The following PTTG1IP variants were observed in gnomAD, a reference collection of about 807,000 sequenced individuals.
PTTG1IP encodes PTTG1 interacting protein, also known as pituitary tumor-transforming gene 1 protein-interacting protein.
Under a neutral mutation model 24.4 loss-of-function variants are expected in PTTG1IP, and 16 were observed. The observed-to-expected ratio is 0.66, with a 90% confidence interval of 0.44 to 1.00. The LOEUF (loss-of-function observed/expected upper bound fraction) is 1.00. Ranked by LOEUF, PTTG1IP falls within the 50% of genes least tolerant of loss-of-function variation. The pLI is 0.00. For missense variants in PTTG1IP, 241 were observed against 245.8 expected, an observed-to-expected ratio of 0.98 and a Z score of 0.13; for synonymous variants, 89 against 96.8, an observed-to-expected ratio of 0.92 and a Z score of 0.47.
intron 5 of PTTG1IP, 102 bp from the exon 6 acceptor site, chr21:44,851,729 T>C (rs1471678771): frequency 7.1e-7 from 1 of 1,408,512 alleles, no homozygotes; most frequent in African/African-American, 1.4e-5. Flanking sequence ...TTACTGAGGC[T>C]ATAGCAACAA....
Position 44,851,572 on chromosome 21 carries a change from T to A in PTTG1IP, c.*9A>T. The A allele has an allele frequency of 6.2e-7, 1 of 1,608,922 alleles. No homozygotes were observed. The highest frequency in any genetic ancestry group is 8.5e-7 in the Non-Finnish European group (1 of 1,175,472). ...ACAGGAAGCGTCGGGACTGATGTGC[T>A]GGAGCGCTTTAGTTGTTTTCAAATC... On this transcript the variant is annotated 3_prime_UTR_variant, in exon 6 of 6. Coordinates refer to ENST00000330938, the MANE Select transcript of PTTG1IP (RefSeq NM_004339.4).
chr21:44,856,212 G>A lies in PTTG1IP; in HGVS notation c.430C>T (p.Arg144Trp), dbSNP rs2083448369. The change falls in exon 4 of 6, where the codon CGG becomes TGG. Residue 144 changes from arginine (R) to tryptophan (W), a missense_variant. Transcript: ENST00000330938. ...EKAMREREER[R>W]IRQEERRAEM... is the part of the protein sequence containing the mutation. ...CCTCACCGTTCCTCCTGCCGTATCC[G>A]CCTCTCCTCCCGCTCACGCATGGCC... 6.2e-7 allele frequency: 1 copy of A among 1,613,918 alleles called. No homozygotes were observed. Among genetic ancestry groups the A allele is most frequent in the Non-Finnish European group, 8.5e-7 (1 of 1,180,006 alleles).
At chr21:44,865,353 G>A (rs375241256) in intron 2 of PTTG1IP, 42 bp downstream of exon 2, 18 of 1,593,840 alleles carry the variant, frequency 1.1e-5, no homozygotes, top group African/African-American at 2.7e-5. Context: ...GCCTTTGGAC[G>A]GTCTGGACGG....
Position 44,851,504 on chromosome 21 carries a change from C to T in PTTG1IP, c.*77G>A, listed in dbSNP as rs777836493. 1.4e-5 allele frequency: 22 copies of T among 1,613,770 alleles called. No individual in the cohort carries two copies. The highest frequency in any genetic ancestry group is 1.9e-5 in the Non-Finnish European group (22 of 1,179,976). ...GCCAAGGTCAGGAGACCGCAATGGCCACGTGGTCTCCCGGCTGGGCTGGGC... is the reference window on the plus strand; with the variant it reads ...GCCAAGGTCAGGAGACCGCAATGGCTACGTGGTCTCCCGGCTGGGCTGGGC... On this transcript the variant is annotated 3_prime_UTR_variant, in exon 6 of 6. Coordinates refer to ENST00000330938, the MANE Select transcript of PTTG1IP (RefSeq NM_004339.4).
intron 2 of PTTG1IP, among the ~76,000 whole-genome samples, chr21:44,862,278 TG>T (rs1345377490): frequency 6.6e-6 from 1 of 152,210 alleles, no homozygotes; most frequent in Non-Finnish European, 1.5e-5. Context: ...CCCAGCACTT[TG>T]GGAGGCCAGG....
chr21:44,855,164 C>G, intron 5 of PTTG1IP, 46 bp downstream of exon 5: 1 of 1,555,454 alleles, frequency 6.4e-7, no homozygotes, highest in Non-Finnish European at 8.9e-7. Context: ...AGACAGCGTG[C>G]CATCGCCTCC....
In PTTG1IP at chr21:44,870,338, C is replaced by T. The variant is rs140291895; in HGVS notation, c.115+3164G>A. Among the ~76,000 whole-genome samples, 705 of 152,112 alleles carry T rather than the reference C, an allele frequency of 4.6e-3. 5 individuals carry two copies. The highest frequency in any genetic ancestry group is 0.016 in the African/African-American group (673 of 41,502). On this transcript the variant is annotated intron_variant, in intron 1 of 5. Coordinates refer to ENST00000330938, the MANE Select transcript of PTTG1IP (RefSeq NM_004339.4). ...GGCAGATCACCTGAGGTCAGGAGTTCGAGACCGGCCTGGCCGACATGGAGA... is the reference window on the plus strand; with the variant it reads ...GGCAGATCACCTGAGGTCAGGAGTTTGAGACCGGCCTGGCCGACATGGAGA...
intron 2 of PTTG1IP, among the ~76,000 whole-genome samples, chr21:44,864,416 G>C (rs556197570): frequency 4.8e-4 from 73 of 152,266 alleles, no homozygotes; most frequent in African/African-American, 1.6e-3. Context: ...GTTTTTTAAA[G>C]ACAGTTTTTT....
chr21:44,851,327 A>T lies in PTTG1IP; in HGVS notation c.*254T>A. 4 of 1,492,488 alleles carry T rather than the reference A, an allele frequency of 2.7e-6. 1 individual carries two copies. The South Asian group carries it at 3.7e-5, about 14-fold the overall frequency. The allele number at this position is 1,492,488 out of a possible 1,614,324, so 92.5% of individuals were successfully genotyped here. A position where few individuals can be genotyped will look rare whatever the true frequency, so the allele number is the denominator to read the frequency against. On this transcript the variant is annotated 3_prime_UTR_variant, in exon 6 of 6. Transcript: ENST00000330938. ...TCACAAACTGAGAAGAGTATAAAAA[A>T]GCCCAAACCCCAAAGATTTCTTATT...
chr21:44,869,665 T>C (rs2083568830), intron 1 of PTTG1IP, among the ~76,000 whole-genome samples: 2 of 152,182 alleles, frequency 1.3e-5, no homozygotes, highest in Non-Finnish European at 2.9e-5. Context: ...TAAGGAGATC[T>C]AGAGAGTGCT....
At chr21:44,873,465 GC>G in intron 1 of PTTG1IP, 36 bp downstream of exon 1, 1 of 1,341,184 alleles carries the variant, frequency 7.5e-7, no homozygotes, top group African/African-American at 1.5e-5. Context: ...CAGCCGCCCC[GC>G]CCCCTTCGCG....
chr21:44,862,525 G>C (rs1016280750), intron 2 of PTTG1IP, among the ~76,000 whole-genome samples: 4 of 147,602 alleles, frequency 2.7e-5, no homozygotes, highest in African/African-American at 1.0e-4. Context: ...GTCTCAAAAG[G>C]AAAAAAAAAA....
At chr21:44,858,295 T>C (rs2083463540) in intron 3 of PTTG1IP, among the ~76,000 whole-genome samples, 1 of 152,204 alleles carries the variant, frequency 6.6e-6, no homozygotes, top group Admixed American at 6.5e-5. Context: ...CCTGTAAGAA[T>C]AAACAAGGAC....
At chr21:44,861,945 C>T (rs1168784375) in intron 2 of PTTG1IP, 1 of 681,976 alleles carries the variant, frequency 1.5e-6, no homozygotes, top group Non-Finnish European at 2.7e-6. Flanking sequence ...AGTCGCACAG[C>T]TTGAAAGATG....
intron 5 of PTTG1IP, among the ~76,000 whole-genome samples, chr21:44,852,761 C>T (rs570524374): frequency 6.2e-4 from 95 of 152,340 alleles, no homozygotes; most frequent in African/African-American, 2.2e-3. Context: ...CCTGAGTCTA[C>T]TTCCAGTTTA....
In PTTG1IP at chr21:44,850,359, T is replaced by C. The variant is rs2146448646; in HGVS notation, c.*1222A>G. The C allele has an allele frequency of 6.6e-6, 1 of 152,364 alleles. No individual in the cohort carries two copies. The highest frequency in any genetic ancestry group is 6.5e-5 in the Admixed American group (1 of 15,306). 9.4% of individuals were successfully genotyped at this position (152,364 alleles called of 1,614,324 possible). A position where few individuals can be genotyped will look rare whatever the true frequency, so the allele number is the denominator to read the frequency against. On this transcript the variant is annotated 3_prime_UTR_variant, in exon 6 of 6. Coordinates refer to ENST00000330938, the MANE Select transcript of PTTG1IP (RefSeq NM_004339.4). Reference sequence around the variant, plus strand: ...GCTGCTTTCCCTGCCACGAAGCGCTTGGTCTGCTTACTAAAGCCACGTATC... The same window carrying C: ...GCTGCTTTCCCTGCCACGAAGCGCTCGGTCTGCTTACTAAAGCCACGTATC...
chr21:44,868,292 T>G (rs2083558694), intron 1 of PTTG1IP, among the ~76,000 whole-genome samples: 1 of 152,222 alleles, frequency 6.6e-6, no homozygotes, highest in Non-Finnish European at 1.5e-5. Flanking sequence ...CCCGTGGTGC[T>G]GCAATGTGAC....
intron 1 of PTTG1IP, among the ~76,000 whole-genome samples, chr21:44,872,041 CAAAA>C (rs2083590775): frequency 6.6e-6 from 1 of 152,218 alleles, no homozygotes; most frequent in African/African-American, 2.4e-5. Context: ...CACAGTCAAA[CAAAA>C]CCTCATGGTT....
chr21:44,855,197 G>A lies in PTTG1IP; in HGVS notation c.496+13C>T. The A allele has an allele frequency of 1.2e-6, 2 of 1,605,434 alleles. No homozygotes were observed. Among genetic ancestry groups the A allele is most frequent in the Non-Finnish European group, 8.5e-7 (1 of 1,172,174 alleles). The stretch of plus-strand genomic sequence containing the variant: ...TCCCAACCAGACAAAAAGGAGGCGT[G>A]ACCAGTCCTTACCATATTTTTTTCT... On this transcript the variant is annotated intron_variant, in intron 5 of 5. Coordinates refer to ENST00000330938, the MANE Select transcript of PTTG1IP (RefSeq NM_004339.4).
Sources: allele counts gnomAD v4.1 joint callset (sites outside exome capture counted in the v4.1 genomes callset), GRCh38; gene constraint gnomAD v4.1.1; transcripts MANE v1.5; gene names NCBI Gene and HGNC (gene_info 2026-07-23, HGNC 2026-07-21).